The following DNAH5 variants were observed in gnomAD, a reference collection of about 807,000 sequenced individuals.
DNAH5 encodes the protein dynein axonemal heavy chain 5, also known as axonemal beta dynein heavy chain 5.
A neutral mutation model predicts 518.2 loss-of-function variants in DNAH5; 372 were observed. That is an observed-to-expected ratio of 0.72 (90% CI 0.66 to 0.78). The LOEUF (loss-of-function observed/expected upper bound fraction) is 0.78. DNAH5 is among the 30% of genes least tolerant of loss of function. The probability of loss-of-function intolerance (pLI) is 0.00; values close to 1 mark genes in which losing one functional copy is unlikely to be tolerated. For missense variants in DNAH5, 5,523 were observed against 5,687.0 expected (o/e 0.97, Z 0.93); for synonymous variants, 2,039 against 2,025.9 (o/e 1.01, Z -0.17).
intron 58 of DNAH5, among the ~76,000 whole-genome samples, chr5:13,767,407 G>T (rs1021535914): frequency 7.9e-5 from 12 of 152,208 alleles, no homozygotes; most frequent in African/African-American, 2.9e-4. Context: ...TTACAGGCGT[G>T]AGCCAGCATG....
chr5:13,910,175 A>G (rs1473786271), intron 12 of DNAH5, among the ~76,000 whole-genome samples: 1 of 152,162 alleles, frequency 6.6e-6, no homozygotes, highest in East Asian at 1.9e-4. Flanking sequence ...AGCCTGCTGC[A>G]TGCCACAATG....
At chr5:13,755,671 G>A (rs1057324867) in intron 61 of DNAH5, among the ~76,000 whole-genome samples, 6 of 152,026 alleles carry the variant, frequency 3.9e-5, no homozygotes, top group Admixed American at 1.3e-4. Flanking sequence ...ACAGTCCATC[G>A]GAGAGAACCA....
At chr5:13,804,349 C>T (rs1040199385) in intron 47 of DNAH5, among the ~76,000 whole-genome samples, 3 of 152,162 alleles carry the variant, frequency 2.0e-5, no homozygotes, top group African/African-American at 4.8e-5. Flanking sequence ...GTAACAGATA[C>T]GCGCCCTTCG....
intron 1 of DNAH5, among the ~76,000 whole-genome samples, chr5:13,965,196 A>C (rs138345970): frequency 0.018 from 2,751 of 152,212 alleles, 79 homozygotes; most frequent in African/African-American, 0.061. Flanking sequence ...TATTATTGAG[A>C]GGGCATTAAT....
At chr5:13,745,434 T>C (rs1040956231) in intron 65 of DNAH5, among the ~76,000 whole-genome samples, 1 of 152,138 alleles carries the variant, frequency 6.6e-6, no homozygotes, top group African/African-American at 2.4e-5. Context: ...TTAAAATTCA[T>C]GCTTCCTTGC....
intron 1 of DNAH5, among the ~76,000 whole-genome samples, chr5:13,975,158 C>T (rs1483509118): frequency 6.6e-6 from 1 of 152,172 alleles, no homozygotes; most frequent in African/African-American, 2.4e-5. Flanking sequence ...ACTTACAGTT[C>T]CAGTGGCTGG....
At position 14,008,949 on chromosome 5, in the gene DNAH5, C is replaced by T. The variant is rs534353535; in HGVS notation, c.12+2699G>A. On this transcript the variant is annotated intron_variant, in intron 1 of 78. Coordinates refer to the DNAH5 transcript ENST00000681290. ...CGGGCCTGGCCATGGGCCGGGCCTGCCCCTGCAAGGACAGGACAAACTGAT... is the reference window on the plus strand; with the variant it reads ...CGGGCCTGGCCATGGGCCGGGCCTGTCCCTGCAAGGACAGGACAAACTGAT... Among the ~76,000 whole-genome samples, 52 of 152,358 alleles carry T rather than the reference C, an allele frequency of 3.4e-4. No homozygotes were observed. In the South Asian group the frequency reaches 6.2e-3, roughly 18 times the overall value.
At chr5:13,732,436 G>A (rs993706537) in intron 68 of DNAH5, among the ~76,000 whole-genome samples, 1 of 152,008 alleles carries the variant, frequency 6.6e-6, no homozygotes, top group Non-Finnish European at 1.5e-5. Flanking sequence ...GCGCAATCTC[G>A]GCTCACTGCA....
At chr5:13,749,990 T>C (rs1749977789) in intron 65 of DNAH5, among the ~76,000 whole-genome samples, 1 of 152,266 alleles carries the variant, frequency 6.6e-6, no homozygotes, top group Admixed American at 6.5e-5. Context: ...CTGGATTAAA[T>C]GCTCCTAATG....
At chr5:13,830,241 CA>C in intron 36 of DNAH5, 28 bp from the exon 37 acceptor site, 1 of 1,593,258 alleles carries the variant, frequency 6.3e-7, no homozygotes, top group Non-Finnish European at 8.6e-7. Flanking sequence ...ATGAAAAATC[CA>C]ATTAGTATAT....
intron 1 of DNAH5, among the ~76,000 whole-genome samples, chr5:13,955,960 G>A (rs1402681254): frequency 2.0e-5 from 3 of 152,052 alleles, no homozygotes; most frequent in Admixed American, 6.5e-5. Context: ...TGCCAAGAGC[G>A]TGCAACAATG....
chr5:13,979,384 A>G (rs907655936), intron 1 of DNAH5, among the ~76,000 whole-genome samples: 9 of 152,112 alleles, frequency 5.9e-5, no homozygotes, highest in Non-Finnish European at 8.8e-5. Flanking sequence ...GTTTAATGTT[A>G]TTGTCATCAC....
At chr5:13,847,673 G>A (rs1766204408) in intron 31 of DNAH5, among the ~76,000 whole-genome samples, 1 of 150,696 alleles carries the variant, frequency 6.6e-6, no homozygotes, top group African/African-American at 2.4e-5. Context: ...GCAGTGGGCT[G>A]AGATTGCACC....
At chr5:13,787,285 G>A (rs530930569) in intron 51 of DNAH5, among the ~76,000 whole-genome samples, 1 of 151,984 alleles carries the variant, frequency 6.6e-6, no homozygotes, top group South Asian at 2.1e-4. Flanking sequence ...TTAGTAATAG[G>A]GAAAAAAGGG....
rs1185954949 is a variant in DNAH5 at position 13,770,748 on chromosome 5, C to A, written c.9605+1G>T. On this transcript the variant is annotated splice_donor_variant, in intron 56 of 78. Transcript: ENST00000265104. LOFTEE classifies it high-confidence loss of function. ...GCTTTGTATAAGAACATCACACTTA[C>A]CTGTTGGCCAGGGTCCGCACCTCCA... 1 of 1,612,528 alleles carries A rather than the reference C, an allele frequency of 6.2e-7. No homozygotes were observed. The highest frequency in any genetic ancestry group is 8.5e-7 in the Non-Finnish European group (1 of 1,178,822).
chr5:13,844,973 A>G lies in DNAH5; in HGVS notation c.5135T>C (p.Leu1712Pro). 6.2e-7 allele frequency: 1 copy of G among 1,614,188 alleles called. No homozygotes were observed. The highest frequency in any genetic ancestry group is 2.2e-5 in the East Asian group (1 of 44,878). ...SLTGYLEKKR[L>P]CFPRFFFVSD... ...GACGAAGAAAAACCGAGGAAAGCAC[A>G]GTCGTTTTTTCTCCAAGTACCTACA... Residue 1712 changes from leucine (L) to proline (P), a missense_variant, in exon 32 of 79, where the codon CTG becomes CCG. Transcript: ENST00000265104.
chr5:13,766,088 A>G lies in DNAH5; in HGVS notation c.9989T>C (p.Phe3330Ser). Residue 3330 changes from phenylalanine (F) to serine (S), a missense_variant, in exon 59 of 79, where the codon TTT (phenylalanine) becomes TCT (serine). Around this residue, in one of 3 missense-constraint regions of DNAH5, gnomAD observed 5,121 missense variants for 5,223.3 expected, o/e 0.98. Coordinates refer to ENST00000265104, the MANE Select transcript of DNAH5 (RefSeq NM_001369.3). ...TTTCACAGCACTGACTTTCCTTTGA[A>G]ACAGCAGCAGTACGCAATCCATGAT... is the stretch of plus-strand genomic sequence containing the variant. ...MRIMDCVLLLFQRKVSAVKID... is the reference protein window; with the variant it reads ...MRIMDCVLLLSQRKVSAVKID... The G allele has an allele frequency of 6.2e-7, 1 of 1,614,198 alleles. No homozygotes were observed. Among genetic ancestry groups the G allele is most frequent in the African/African-American group, 1.3e-5 (1 of 75,052 alleles).
At chr5:13,850,099 G>A (rs909090327) in intron 31 of DNAH5, among the ~76,000 whole-genome samples, 1 of 151,944 alleles carries the variant, frequency 6.6e-6, no homozygotes, top group African/African-American at 2.4e-5. Flanking sequence ...TTCCTTAAGT[G>A]TCAATGTACA....
intron 56 of DNAH5, among the ~76,000 whole-genome samples, chr5:13,769,970 A>T (rs1215361876): frequency 2.0e-5 from 3 of 152,252 alleles, no homozygotes; most frequent in Non-Finnish European, 4.4e-5. Flanking sequence ...CAGGAAGGAA[A>T]ATAATGCCTG....
Sources: gnomAD v4.1 joint callset for allele counts (sites outside exome capture counted in the v4.1 genomes callset) on GRCh38, gnomAD v4.1.1 for gene constraint, gnomAD v4.1.1 regional missense constraint, MANE v1.5 for transcripts, NCBI Gene and HGNC (gene_info 2026-07-23, HGNC 2026-07-21) for gene names.